HK1: variants seen among roughly 807,000 people sequenced by gnomAD.
HK1 encodes hexokinase 1.
Under a neutral mutation model 91.6 loss-of-function variants are expected in HK1, and 28 were observed. The observed-to-expected ratio is 0.31, with a 90% CI of 0.23 to 0.42. HK1 has a LOEUF of 0.42. HK1 is among the 10% of genes least tolerant of loss of function. The probability of loss-of-function intolerance (pLI) is 1.00; values close to 1 mark genes in which losing one functional copy is unlikely to be tolerated. For synonymous variants in HK1, 430 were observed against 468.1 expected (o/e 0.92, Z 1.05); for missense variants, 770 against 1,219.8 (o/e 0.63, Z 5.49).
intron 2 of HK1, among the ~76,000 whole-genome samples, chr10:69,284,609 T>C (rs528606427): frequency 6.6e-6 from 1 of 152,168 alleles, no homozygotes; most frequent in South Asian, 2.1e-4. Context: ...AGCCCAGCAG[T>C]TTGAGACCAG....
chr10:69,337,238 G>T (rs1299196687), intron 1 of HK1, among the ~76,000 whole-genome samples: 1 of 152,164 alleles, frequency 6.6e-6, no homozygotes, highest in Non-Finnish European at 1.5e-5. Context: ...AATGCTTAAG[G>T]TGAAGCCCCA....
chr10:69,305,464 T>C (rs539881122), intron 5 of HK1, among the ~76,000 whole-genome samples: 2 of 152,274 alleles, frequency 1.3e-5, no homozygotes, highest in South Asian at 4.1e-4. Flanking sequence ...GCCTAATGTA[T>C]ATTTAATTAG....
chr10:69,385,066 C>T (rs1175478259), intron 12 of HK1, 151 bp downstream of exon 12: 4 of 833,234 alleles, frequency 4.8e-6, no homozygotes, highest in Admixed American at 1.9e-5. Context: ...TATTTCACAG[C>T]CTGCAGGGCA....
chr10:69,380,060 T>G lies in HK1; in HGVS notation c.1230T>G (p.Val410=). ...NKGTPRLRTT[V]GVDGSLYKTH... ...GCACACCCAGGCTGCGGACCACGGT[T>G]GGTGTCGACGGATCTCTTTACAAGA... is the stretch of plus-strand genomic sequence containing the variant. Residue 410 remains valine, a synonymous_variant, in exon 9 of 18, where the codon GTT becomes GTG. Transcript: ENST00000359426. This position sits in a 1 kb window ranked among gnomAD's most constrained non-coding sequence, Gnocchi z 4.0. 1 of 1,613,990 alleles carries G rather than the reference T, an allele frequency of 6.2e-7. No individual in the cohort carries two copies. Among genetic ancestry groups the G allele is most frequent in the African/African-American group, 1.3e-5 (1 of 75,038 alleles).
chr10:69,294,671 C>A lies in HK1; in HGVS notation c.-114-962C>A, dbSNP rs1249349172. On this transcript the variant is annotated intron_variant, in intron 3 of 21. Transcript: ENST00000360289. Reference sequence around the variant, plus strand: ...AGGAGTTCAAGACCAGCTGGGCCAACATAGAGAAATCCCATCTCTACTAAA... The same window carrying A: ...AGGAGTTCAAGACCAGCTGGGCCAAAATAGAGAAATCCCATCTCTACTAAA... 2.0e-5 allele frequency among the ~76,000 whole-genome samples: 3 copies of A among 150,418 alleles called. No homozygotes were observed. The Admixed American group carries it at 2.0e-4, about 10-fold the overall frequency.
intron 3 of HK1, among the ~76,000 whole-genome samples, chr10:69,361,102 T>C (rs1849395985): frequency 6.6e-6 from 1 of 152,248 alleles, no homozygotes; most frequent in African/African-American, 2.4e-5. Context: ...CACCAAGCCT[T>C]TTCTTTGTCC....
At chr10:69,315,921 T>C (rs1179296870), upstream of HK1, 1 of 1,612,240 alleles carries the variant, frequency 6.2e-7, no homozygotes, top group Non-Finnish European at 8.5e-7. Context: ...CCCAGGTTCC[T>C]GCCCTGTAAA....
At chr10:69,385,302 A>G (rs759403774) in intron 12 of HK1, among the ~76,000 whole-genome samples, 5 of 152,226 alleles carry the variant, frequency 3.3e-5, no homozygotes, top group African/African-American at 7.2e-5. Flanking sequence ...GCCCTAGCAC[A>G]GTGTCCAATC....
intron 7 of HK1, among the ~76,000 whole-genome samples, chr10:69,370,152 A>G (rs1849922559): frequency 6.6e-6 from 1 of 152,208 alleles, no homozygotes; most frequent in Non-Finnish European, 1.5e-5. Flanking sequence ...TAATTACACT[A>G]TGATTGTGTC....
chr10:69,334,631 G>T (rs191532275), intron 1 of HK1, among the ~76,000 whole-genome samples: 1 of 152,216 alleles, frequency 6.6e-6, no homozygotes, highest in East Asian at 1.9e-4. Flanking sequence ...GAGGCCTCCC[G>T]CCCAGCACAG....
chr10:69,323,337 C>T (rs1360569694), intron 1 of HK1, among the ~76,000 whole-genome samples: 1 of 150,220 alleles, frequency 6.7e-6, no homozygotes, highest in Non-Finnish European at 1.5e-5. Flanking sequence ...GCCTGGGCAA[C>T]AAAATTAAAC....
intron 2 of HK1, among the ~76,000 whole-genome samples, chr10:69,288,476 G>A (rs1372509766): frequency 6.6e-6 from 1 of 152,176 alleles, no homozygotes; most frequent in Admixed American, 6.5e-5. Flanking sequence ...CTGGGCAACA[G>A]AGCAATACTC....
chr10:69,278,321 T>A (rs1287178661), intron 1 of HK1, among the ~76,000 whole-genome samples: 1 of 152,202 alleles, frequency 6.6e-6, no homozygotes, highest in Non-Finnish European at 1.5e-5. Context: ...AATCTGTATT[T>A]TGTCTATGAA....
chr10:69,367,675 C>T (rs1176200435), intron 4 of HK1, among the ~76,000 whole-genome samples: 2 of 151,934 alleles, frequency 1.3e-5, no homozygotes, highest in East Asian at 3.9e-4. Flanking sequence ...GGCCCATGTG[C>T]TCAGAATGCT....
At chr10:69,289,578 TCTTGTGCCTC>T (rs58986297) in intron 3 of HK1, among the ~76,000 whole-genome samples, 2,995 of 149,820 alleles carry the variant, frequency 0.02, 109 homozygotes, top group African/African-American at 0.069. Context: ...TTAAAGTGAT[TCTTGTGCCTC>T]AGCCTCCCTA....
At chr10:69,332,357 T>TTTTCTTTCTTTCTTTCTTTCTTTCTTTC (rs140249017) in intron 1 of HK1, among the ~76,000 whole-genome samples, 60 of 140,730 alleles carry the variant, frequency 4.3e-4, no homozygotes, top group African/African-American at 1.3e-3. Flanking sequence ...CTAGGCCTCA[T>TTTTCTTTCTTTCTTTCTTTCTTTCTTTC]TTTCTTTCTT....
chr10:69,400,755 A>G (rs2132984636), intron 17 of HK1, among the ~76,000 whole-genome samples: 1 of 152,258 alleles, frequency 6.6e-6, no homozygotes. Context: ...GCCATTCTCA[A>G]CTGGCCACAG....
chr10:69,375,894 TGCA>T (rs1839075844), intron 7 of HK1, among the ~76,000 whole-genome samples: 1 of 152,194 alleles, frequency 6.6e-6, no homozygotes, highest in Non-Finnish European at 1.5e-5. Flanking sequence ...GCCTCTCCCC[TGCA>T]GCATTGGGCT....
At chr10:69,364,413 C>T (rs746894444) in intron 3 of HK1, among the ~76,000 whole-genome samples, 33 of 152,150 alleles carry the variant, frequency 2.2e-4, no homozygotes, top group Non-Finnish European at 4.1e-4. Context: ...AAGGCCACTC[C>T]ACCTGGTGGC....
Sources: allele counts gnomAD v4.1 joint callset (sites outside exome capture counted in the v4.1 genomes callset), GRCh38; gene constraint gnomAD v4.1.1; non-coding constraint Gnocchi (gnomAD v3.1); transcripts MANE v1.5; gene names NCBI Gene and HGNC (gene_info 2026-07-23, HGNC 2026-07-21).